The following FGF1 variants were observed in gnomAD, a reference collection of about 807,000 sequenced individuals.
FGF1 encodes the protein fibroblast growth factor 1, also known as beta-endothelial cell growth factor.
Under a neutral mutation model 13.4 loss-of-function variants are expected in FGF1, and 9 were observed. The observed-to-expected ratio is 0.67, with a 90% CI of 0.40 to 1.17. FGF1 has a LOEUF of 1.17. Ranked by LOEUF, FGF1 falls within the 50% of genes most tolerant of loss-of-function variation. The pLI, the probability that FGF1 is intolerant of heterozygous loss-of-function variation, is 0.01. For synonymous variants in FGF1, 93 were observed against 79.0 expected (o/e 1.18, Z -0.94); for missense variants, 156 against 192.7 (o/e 0.81, Z 1.13).
chr5:142,691,451 AAAATAAAATAAAATAAAATAAAATAAAAT>A (rs1273148060), intron 2 of FGF1, among the ~76,000 whole-genome samples: 7 of 109,136 alleles, frequency 6.4e-5, no homozygotes, highest in African/African-American at 2.1e-4. Flanking sequence ...AAAATAAAAT[AAAATAAAATAAAATAAAATAAAATAAAAT>A]AAATAAAATA....
At chr5:142,650,721 C>T (rs764542024) in intron 1 of FGF1, among the ~76,000 whole-genome samples, 26 of 151,942 alleles carry the variant, frequency 1.7e-4, no homozygotes, top group Non-Finnish European at 2.8e-4. Flanking sequence ...TTATTTGAAA[C>T]TATAGCAGTA....
At chr5:142,667,928 C>A (rs1770746285) in intron 1 of FGF1, among the ~76,000 whole-genome samples, 1 of 152,242 alleles carries the variant, frequency 6.6e-6, no homozygotes, top group African/African-American at 2.4e-5. Flanking sequence ...GCCTCGCTCC[C>A]ACTGACTTGG....
chr5:142,696,527 T>C (rs1753137580), intron 2 of FGF1, among the ~76,000 whole-genome samples: 1 of 152,186 alleles, frequency 6.6e-6, no homozygotes, highest in Non-Finnish European at 1.5e-5. Flanking sequence ...GCACCTGTTC[T>C]TGTACGGTGC....
intron 1 of FGF1, among the ~76,000 whole-genome samples, chr5:142,658,880 C>T (rs1768644870): frequency 6.6e-6 from 1 of 152,062 alleles, no homozygotes; most frequent in African/African-American, 2.4e-5. Context: ...GGAGGAACTG[C>T]CAGGTCACTT....
At chr5:142,659,899 A>C (rs1334943932) in intron 1 of FGF1, among the ~76,000 whole-genome samples, 2 of 152,168 alleles carry the variant, frequency 1.3e-5, no homozygotes, top group Non-Finnish European at 2.9e-5. Flanking sequence ...GTCGAAGGGG[A>C]GAAATTCTCT....
Position 142,647,980 on chromosome 5 carries a change from G to A in FGF1, c.-34-33819C>T, listed in dbSNP as rs532050999. The stretch of plus-strand genomic sequence containing the variant: ...CGCACCTGTAATCCCAGCTACTTGC[G>A]AGGCTGAAGCAGGAGAATCACTTGA... On this transcript the variant is annotated intron_variant, in intron 1 of 3. Coordinates refer to ENST00000337706, the MANE Select transcript of FGF1 (RefSeq NM_000800.5). Among the ~76,000 whole-genome samples, 70 of 152,246 alleles carry A rather than the reference G, an allele frequency of 4.6e-4. 1 individual carries two copies. The highest frequency in any genetic ancestry group is 1.0e-3 in the African/African-American group (42 of 41,556).
intron 1 of FGF1, chr5:142,679,799 A>G (rs1773370431): frequency 1.3e-5 from 2 of 152,222 alleles, no homozygotes; most frequent in Admixed American, 6.5e-5. Context: ...ATCACCCCAG[A>G]GCCATGGCCT....
chr5:142,598,951 T>G (rs1251063496), intron 3 of FGF1, among the ~76,000 whole-genome samples: 1 of 151,948 alleles, frequency 6.6e-6, no homozygotes, highest in Non-Finnish European at 1.5e-5. Flanking sequence ...TGGCATAACC[T>G]AAGACACAGT....
At chr5:142,645,043 T>TCAA (rs1765781928) in intron 1 of FGF1, among the ~76,000 whole-genome samples, 2 of 152,078 alleles carry the variant, frequency 1.3e-5, no homozygotes, top group African/African-American at 2.4e-5. Context: ...GGGTGCATTG[T>TCAA]GGGCAGCGTC....
intron 1 of FGF1, among the ~76,000 whole-genome samples, chr5:142,675,053 G>T (rs1182223120): frequency 1.3e-5 from 2 of 152,168 alleles, no homozygotes; most frequent in Admixed American, 1.3e-4. Context: ...GCGGCGTGAG[G>T]TGGGGAGGGT....
At chr5:142,624,594 G>T (rs1229282118) in intron 1 of FGF1, among the ~76,000 whole-genome samples, 1 of 152,104 alleles carries the variant, frequency 6.6e-6, no homozygotes, top group Non-Finnish European at 1.5e-5. Context: ...TTTAATTTAG[G>T]ATACTTTTAA....
chr5:142,693,313 C>G (rs1208096533), intron 2 of FGF1, among the ~76,000 whole-genome samples: 1 of 151,852 alleles, frequency 6.6e-6, no homozygotes, highest in Non-Finnish European at 1.5e-5. Flanking sequence ...TTTTTTGAGA[C>G]AGAGTCTCAC....
At chr5:142,668,156 G>A (rs1770791406) in intron 1 of FGF1, among the ~76,000 whole-genome samples, 1 of 152,260 alleles carries the variant, frequency 6.6e-6, no homozygotes, top group Non-Finnish European at 1.5e-5. Flanking sequence ...TCAGGCAGAG[G>A]CCATGGTAGC....
At chr5:142,662,782 A>C (rs541527970) in intron 1 of FGF1, among the ~76,000 whole-genome samples, 2 of 152,236 alleles carry the variant, frequency 1.3e-5, no homozygotes, top group African/African-American at 2.4e-5. Context: ...TTAAATACTG[A>C]AAATAAATAA....
intron 1 of FGF1, among the ~76,000 whole-genome samples, chr5:142,683,488 T>C (rs951170047): frequency 6.6e-6 from 1 of 152,212 alleles, no homozygotes; most frequent in Non-Finnish European, 1.5e-5. Context: ...AATGCATTCC[T>C]AATTTTGCTT....
At chr5:142,626,120 A>G (rs933612815) in intron 1 of FGF1, among the ~76,000 whole-genome samples, 1 of 152,212 alleles carries the variant, frequency 6.6e-6, no homozygotes, top group Admixed American at 6.5e-5. Context: ...AGCACATTAC[A>G]TTAATTAATC....
intron 3 of FGF1, among the ~76,000 whole-genome samples, chr5:142,596,030 C>G (rs949456274): frequency 1.1e-4 from 17 of 152,352 alleles, no homozygotes; most frequent in African/African-American, 4.1e-4. Flanking sequence ...GTGATTTTCA[C>G]TAACGTCAGG....
chr5:142,624,785 A>G (rs548172386), intron 1 of FGF1, among the ~76,000 whole-genome samples: 1 of 152,352 alleles, frequency 6.6e-6, no homozygotes, highest in Non-Finnish European at 1.5e-5. Context: ...AGAAAAAGAA[A>G]GACCTGAGAT....
chr5:142,618,754 C>CAA (rs1045038619), intron 1 of FGF1, among the ~76,000 whole-genome samples: 1 of 151,892 alleles, frequency 6.6e-6, no homozygotes, highest in Non-Finnish European at 1.5e-5. Flanking sequence ...CTCAGCTTAT[C>CAA]AACAGTTAAT....
Sources: allele counts gnomAD v4.1 joint callset (sites outside exome capture counted in the v4.1 genomes callset), GRCh38; gene constraint gnomAD v4.1.1; transcripts MANE v1.5; gene names NCBI Gene and HGNC (gene_info 2026-07-23, HGNC 2026-07-21).